The following FGD6 variants were observed in gnomAD, a reference collection of about 807,000 sequenced individuals.
FGD6 encodes FYVE, RhoGEF and PH domain containing 6.
A neutral mutation model predicts 149.4 loss-of-function variants in FGD6; 90 were observed. The ratio of observed to expected loss-of-function variants is 0.60; its 90% confidence interval spans 0.51 to 0.72. The LOEUF is 0.72. Among genes scored for constraint, FGD6 ranks in the 30% least tolerant of loss-of-function variants. The pLI, the probability that FGD6 is intolerant of heterozygous loss-of-function variation, is 0.00. For missense variants in FGD6, 1,437 were observed against 1,684.8 expected, an observed-to-expected ratio of 0.85 and a Z score of 2.57; for synonymous variants, 527 against 584.0, an observed-to-expected ratio of 0.90 and a Z score of 1.41.
intron 8 of FGD6, among the ~76,000 whole-genome samples, chr12:95,132,738 A>G (rs1268383511): frequency 2.6e-5 from 4 of 152,178 alleles, no homozygotes; most frequent in Non-Finnish European, 4.4e-5. Context: ...GCAACTGAGC[A>G]AGATTCCGTC....
intron 8 of FGD6, among the ~76,000 whole-genome samples, chr12:95,129,596 C>G (rs1032974670): frequency 6.6e-6 from 1 of 152,298 alleles, no homozygotes; most frequent in African/African-American, 2.4e-5. Context: ...ACAGATAAGT[C>G]TGTTTTCTTC....
intron 5 of FGD6, among the ~76,000 whole-genome samples, chr12:95,148,065 G>A (rs914074666): frequency 6.6e-6 from 1 of 152,058 alleles, no homozygotes; most frequent in Non-Finnish European, 1.5e-5. Flanking sequence ...TTCATTCAGT[G>A]AAGAACAGTT....
chr12:95,174,786 G>A (rs760657234), intron 2 of FGD6, among the ~76,000 whole-genome samples: 3 of 151,976 alleles, frequency 2.0e-5, no homozygotes, highest in Non-Finnish European at 4.4e-5. Context: ...ATATTAGCCA[G>A]GCATGGTGGA....
chr12:95,202,752 T>C (rs1203184792), intron 2 of FGD6, among the ~76,000 whole-genome samples: 1 of 152,152 alleles, frequency 6.6e-6, no homozygotes, highest in East Asian at 1.9e-4. Flanking sequence ...GAAAACCCAA[T>C]GCTTCTGCTG....
chr12:95,142,394 C>G (rs1041924798), intron 5 of FGD6, among the ~76,000 whole-genome samples: 2 of 152,100 alleles, frequency 1.3e-5, no homozygotes, highest in Non-Finnish European at 2.9e-5. Flanking sequence ...TCGCCCGCCT[C>G]AGCCTCCCAA....
chr12:95,208,888 G>A lies in FGD6; in HGVS notation c.2396C>T (p.Ala799Val), dbSNP rs748681527. 13 of 1,613,910 alleles carry A rather than the reference G, an allele frequency of 8.1e-6. No individual in the cohort carries two copies. Among genetic ancestry groups the A allele is most frequent in the Non-Finnish European group, 6.8e-6 (8 of 1,179,994 alleles). ...TCCAAGCTGCAGCTGGCCATCTGGA[G>A]CTTCATACGGCTCTTCTACCTCATA... is the stretch of plus-strand genomic sequence containing the variant. ...NVYEVEEPYE[A>V]PDGQLQLGPR... is the part of the protein sequence containing the mutation. Residue 799 changes from alanine to valine, a missense_variant, in exon 2 of 21, where the codon GCT becomes GTT. Around this residue, in one of 2 missense-constraint regions of FGD6, gnomAD observed 1,055 missense variants for 1,146.0 expected, o/e 0.92. Coordinates refer to ENST00000343958, the MANE Select transcript of FGD6 (RefSeq NM_018351.4).
chr12:95,197,793 C>A (rs1437183612), intron 2 of FGD6, among the ~76,000 whole-genome samples: 3 of 152,320 alleles, frequency 2.0e-5, no homozygotes, highest in Non-Finnish European at 2.9e-5. Context: ...CATGCATAAT[C>A]CTTTCCATGC....
intron 2 of FGD6, among the ~76,000 whole-genome samples, chr12:95,173,471 A>G (rs1881048596): frequency 6.6e-6 from 1 of 152,158 alleles, no homozygotes; most frequent in Non-Finnish European, 1.5e-5. Flanking sequence ...AAAACCACAG[A>G]GCCAGGCCAT....
chr12:95,114,154 T>C (rs1878930954), intron 8 of FGD6, among the ~76,000 whole-genome samples: 1 of 152,202 alleles, frequency 6.6e-6, no homozygotes, highest in Non-Finnish European at 1.5e-5. Flanking sequence ...AGTCTAACAA[T>C]GCTCAGGACA....
At chr12:95,171,105 CTTTT>C (rs199688682) in intron 3 of FGD6, among the ~76,000 whole-genome samples, 2 of 151,974 alleles carry the variant, frequency 1.3e-5, no homozygotes, top group Non-Finnish European at 2.9e-5. Flanking sequence ...GAGTACTATT[CTTTT>C]TTTTATCTAT....
chr12:95,135,547 C>T (rs1879641365), intron 7 of FGD6, among the ~76,000 whole-genome samples: 1 of 152,114 alleles, frequency 6.6e-6, no homozygotes, highest in Non-Finnish European at 1.5e-5. Context: ...CTATCTCGGC[C>T]CATTCCTGAG....
At position 95,210,410 on chromosome 12, in the gene FGD6, T is replaced by A; in HGVS notation, c.874A>T (p.Lys292Ter). The A allele has an allele frequency of 6.2e-7, 1 of 1,614,068 alleles. No homozygotes were observed. The highest frequency in any genetic ancestry group is 8.5e-7 in the Non-Finnish European group (1 of 1,180,018). The change falls in exon 2 of 21, where the codon AAA becomes TAA. Residue 292 changes from lysine (K) to a stop codon, truncating the protein, a stop_gained. Coordinates refer to ENST00000343958, the MANE Select transcript of FGD6 (RefSeq NM_018351.4). LOFTEE classifies it high-confidence loss of function. ...TLISSDGVSKKSEVKDLGPLE... is the reference protein window; with the variant it reads ...TLISSDGVSK ...GGACCAAGGTCTTTGACTTCTGATT[T>A]CTTACTAACTCCATCTGAAGATATT...
chr12:95,109,583 C>G (rs7305944), intron 9 of FGD6, among the ~76,000 whole-genome samples: 22,153 of 151,808 alleles, frequency 0.15, 2,085 homozygotes, highest in African/African-American at 0.25. Flanking sequence ...AAAAGAGTGG[C>G]TGGGCGCGGT....
chr12:95,161,887 A>G (rs1409309750), intron 3 of FGD6, among the ~76,000 whole-genome samples: 1 of 152,186 alleles, frequency 6.6e-6, no homozygotes, highest in East Asian at 1.9e-4. Flanking sequence ...TTAGAATCAC[A>G]GGCAGATCTT....
At chr12:95,112,714 G>A (rs939493502) in intron 9 of FGD6, among the ~76,000 whole-genome samples, 9 of 152,142 alleles carry the variant, frequency 5.9e-5, no homozygotes, top group African/African-American at 2.2e-4. Flanking sequence ...TGCGAGAGAG[G>A]GAGGGAGAGA....
chr12:95,212,210 C>T (rs2056731036), intron 1 of FGD6, among the ~76,000 whole-genome samples: 1 of 152,156 alleles, frequency 6.6e-6, no homozygotes, highest in Non-Finnish European at 1.5e-5. Context: ...CTAGGTCCTA[C>T]CCTAGAGTGA....
intron 1 of FGD6, among the ~76,000 whole-genome samples, chr12:95,216,111 G>A (rs2056769240): frequency 6.6e-6 from 1 of 152,114 alleles, no homozygotes; most frequent in Non-Finnish European, 1.5e-5. Flanking sequence ...TTTTCCTATT[G>A]GCTAACTTCT....
At chr12:95,213,503 C>T (rs541183056) in intron 1 of FGD6, among the ~76,000 whole-genome samples, 1 of 152,220 alleles carries the variant, frequency 6.6e-6, no homozygotes, top group African/African-American at 2.4e-5. Context: ...GAACTATACA[C>T]TTAAAAATGA....
chr12:95,140,554 T>G (rs952420168), intron 6 of FGD6, among the ~76,000 whole-genome samples: 1 of 151,966 alleles, frequency 6.6e-6, no homozygotes, highest in Non-Finnish European at 1.5e-5. Flanking sequence ...GAGGCAGAGG[T>G]TGCAGTGAGC....
Sources: allele counts gnomAD v4.1 joint callset (sites outside exome capture counted in the v4.1 genomes callset), GRCh38; gene constraint gnomAD v4.1.1; regional missense constraint gnomAD v4.1.1; transcripts MANE v1.5; gene names NCBI Gene and HGNC (gene_info 2026-07-23, HGNC 2026-07-21).